The following USP37 variants were observed in gnomAD, a reference collection of about 807,000 sequenced individuals.
The protein encoded by USP37 is ubiquitin carboxyl-terminal hydrolase 37.
Under a neutral mutation model 124.0 loss-of-function variants are expected in USP37, and 27 were observed. The ratio of observed to expected loss-of-function variants is 0.22; its 90% CI spans 0.16 to 0.30. USP37 has a LOEUF of 0.30. USP37 is among the 10% of genes least tolerant of loss of function. USP37 has a pLI of 1.00. For missense variants in USP37, 889 were observed against 1,140.4 expected, an observed-to-expected ratio of 0.78 and a Z score of 3.17; for synonymous variants, 365 against 388.0, an observed-to-expected ratio of 0.94 and a Z score of 0.70.
intron 8 of USP37, among the ~76,000 whole-genome samples, chr2:218,544,407 ATATAT>A (rs1212411582): frequency 2.1e-4 from 16 of 75,650 alleles, no homozygotes; most frequent in South Asian, 4.8e-4. Flanking sequence ...AAAAAAAAAA[ATATAT>A]ATATATATAT....
At chr2:218,521,026 G>C (rs1026118030) in intron 10 of USP37, among the ~76,000 whole-genome samples, 10 of 152,196 alleles carry the variant, frequency 6.6e-5, no homozygotes, top group African/African-American at 2.4e-4. Flanking sequence ...GTCCTCATGA[G>C]ATCTGGTCAT....
chr2:218,463,980 C>T (rs554078928), intron 21 of USP37, among the ~76,000 whole-genome samples: 47 of 151,210 alleles, frequency 3.1e-4, no homozygotes, highest in Non-Finnish European at 3.4e-4. Flanking sequence ...CTCAGCCTCC[C>T]GGGTGGCTGG....
intron 1 of USP37, among the ~76,000 whole-genome samples, chr2:218,567,906 G>A (rs769334658): frequency 2.6e-5 from 4 of 152,154 alleles, no homozygotes; most frequent in African/African-American, 4.8e-5. Flanking sequence ...AAGGTAAGAG[G>A]CGAACGACAA....
At chr2:218,469,806 T>C (rs1021609895) in intron 20 of USP37, among the ~76,000 whole-genome samples, 2 of 143,808 alleles carry the variant, frequency 1.4e-5, no homozygotes, top group African/African-American at 5.1e-5. Context: ...TGTGTTTAAC[T>C]CAACATTCTT....
At chr2:218,508,548 CAAGT>C (rs925795342) in intron 11 of USP37, among the ~76,000 whole-genome samples, 3 of 151,922 alleles carry the variant, frequency 2.0e-5, no homozygotes, top group African/African-American at 4.8e-5. Flanking sequence ...GAAAATGAAA[CAAGT>C]AAGATCAGGG....
chr2:218,503,307 A>T (rs1329954421), intron 11 of USP37, among the ~76,000 whole-genome samples: 1 of 152,240 alleles, frequency 6.6e-6, no homozygotes, highest in Non-Finnish European at 1.5e-5. Flanking sequence ...AATACACTGG[A>T]CTGTTTAAAA....
chr2:218,556,517 T>TG (rs1218744524), intron 4 of USP37, among the ~76,000 whole-genome samples: 3 of 136,826 alleles, frequency 2.2e-5, no homozygotes, highest in Non-Finnish European at 4.7e-5. Context: ...TTTTTTTTTT[T>TG]TTTTTTTTTT....
At chr2:218,510,268 T>A in intron 10 of USP37, 128 bp from the exon 11 acceptor site, 1 of 993,456 alleles carries the variant, frequency 1.0e-6, no homozygotes, top group Non-Finnish European at 1.4e-6. Flanking sequence ...TCAGTAATAA[T>A]GATCACTTAA....
chr2:218,547,130 T>C, intron 6 of USP37, 39 bp from the exon 7 acceptor site: 1 of 1,553,660 alleles, frequency 6.4e-7, no homozygotes, highest in Non-Finnish European at 8.7e-7. Context: ...ATCTTCAAAT[T>C]AACTGGAATA....
intron 20 of USP37, 72 bp from the exon 21 acceptor site, chr2:218,466,248 T>G: frequency 6.8e-7 from 1 of 1,473,770 alleles, no homozygotes; most frequent in Non-Finnish European, 9.1e-7. Context: ...GAGTGACACC[T>G]ACTGTTCATA....
chr2:218,560,570 G>A (rs547900916), intron 3 of USP37, among the ~76,000 whole-genome samples: 3 of 152,072 alleles, frequency 2.0e-5, no homozygotes, highest in South Asian at 4.2e-4. Context: ...AATGTTAACA[G>A]GAGTCACTAA....
At chr2:218,519,727 T>C (rs1312360477) in intron 10 of USP37, among the ~76,000 whole-genome samples, 1 of 151,080 alleles carries the variant, frequency 6.6e-6, no homozygotes, top group Non-Finnish European at 1.5e-5. Context: ...GAGACTGAGG[T>C]AGAAGAATAG....
At chr2:218,499,205 C>T (rs999421382) in intron 11 of USP37, among the ~76,000 whole-genome samples, 5 of 152,030 alleles carry the variant, frequency 3.3e-5, no homozygotes, top group East Asian at 1.9e-4. Context: ...ACCCGGGAGG[C>T]GGAGCTTGCA....
chr2:218,503,795 GATAAA>G (rs1689524440), intron 11 of USP37, among the ~76,000 whole-genome samples: 1 of 152,038 alleles, frequency 6.6e-6, no homozygotes, highest in African/African-American at 2.4e-5. Flanking sequence ...CAATAATGGA[GATAAA>G]ATGAACACAA....
chr2:218,540,241 A>G (rs1346938888), intron 8 of USP37, among the ~76,000 whole-genome samples: 1 of 152,176 alleles, frequency 6.6e-6, no homozygotes, highest in Non-Finnish European at 1.5e-5. Context: ...TAGCATATAC[A>G]GTGTGGAGCC....
chr2:218,473,402 A>G (rs925006269), intron 20 of USP37, among the ~76,000 whole-genome samples: 16 of 152,212 alleles, frequency 1.1e-4, no homozygotes, highest in Non-Finnish European at 5.9e-5. Context: ...TGTGTATAAA[A>G]ACCATCACGT....
chr2:218,534,734 A>G, intron 8 of USP37, 28 bp from the exon 9 acceptor site: 2 of 1,416,694 alleles, frequency 1.4e-6, no homozygotes, highest in Non-Finnish European at 1.9e-6. Flanking sequence ...ACATCAATAT[A>G]GTACAGGTGT....
chr2:218,506,642 C>A (rs1262327501), intron 11 of USP37, among the ~76,000 whole-genome samples: 1 of 142,600 alleles, frequency 7.0e-6, no homozygotes, highest in East Asian at 2.0e-4. Context: ...CCCTGGCTTT[C>A]CTTTTTAAAG....
chr2:218,511,581 A>T (rs1690000470), intron 10 of USP37, among the ~76,000 whole-genome samples: 1 of 152,140 alleles, frequency 6.6e-6, no homozygotes, highest in African/African-American at 2.4e-5. Flanking sequence ...AAGTGCTAGG[A>T]TTACAGGCGT....
Sources: allele counts gnomAD v4.1 joint callset (sites outside exome capture counted in the v4.1 genomes callset), GRCh38; gene constraint gnomAD v4.1.1; transcripts MANE v1.5; gene names NCBI Gene and HGNC (gene_info 2026-07-23, HGNC 2026-07-21).